Variants in ZMAT4 observed in about 807,000 individuals in gnomAD.
The protein encoded by ZMAT4 is zinc finger matrin-type 4.
A neutral mutation model predicts 28.7 loss-of-function variants in ZMAT4; 17 were observed. The ratio of observed to expected loss-of-function variants is 0.59; its 90% CI spans 0.41 to 0.89. The LOEUF is 0.89. Ranked by LOEUF, ZMAT4 falls within the 40% of genes least tolerant of loss-of-function variation. The pLI, the probability that ZMAT4 is intolerant of heterozygous loss-of-function variation, is 0.00. For missense variants in ZMAT4, 240 were observed against 283.8 expected (o/e 0.85, Z 1.11); for synonymous variants, 117 against 109.2 (o/e 1.07, Z -0.44).
At chr8:40,818,650 C>T (rs1326867160) in intron 2 of ZMAT4, among the ~76,000 whole-genome samples, 4 of 152,204 alleles carry the variant, frequency 2.6e-5, no homozygotes, top group African/African-American at 9.7e-5. Flanking sequence ...CCAGTTAGCA[C>T]TTGCATCTCC....
chr8:40,748,005 T>A (rs187581705), intron 3 of ZMAT4, among the ~76,000 whole-genome samples: 1 of 152,346 alleles, frequency 6.6e-6, no homozygotes, highest in East Asian at 1.9e-4. Context: ...TCAGTGCTTA[T>A]AGACAAAGCT....
At chr8:40,638,134 G>A (rs538217074) in intron 5 of ZMAT4, among the ~76,000 whole-genome samples, 1 of 152,254 alleles carries the variant, frequency 6.6e-6, no homozygotes, top group East Asian at 1.9e-4. Context: ...AGAGGTTCTC[G>A]TGATCTATTG....
chr8:40,862,225 G>C (rs1817519932), intron 1 of ZMAT4, among the ~76,000 whole-genome samples: 1 of 152,014 alleles, frequency 6.6e-6, no homozygotes, highest in African/African-American at 2.4e-5. Flanking sequence ...ATACACCATG[G>C]AATACTATGC....
intron 1 of ZMAT4, among the ~76,000 whole-genome samples, chr8:40,891,594 A>G (rs1304637688): frequency 2.6e-5 from 4 of 151,950 alleles, no homozygotes; most frequent in African/African-American, 4.8e-5. Context: ...TGTCTCAGCC[A>G]ATCCCTGGAA....
intron 3 of ZMAT4, among the ~76,000 whole-genome samples, chr8:40,736,437 A>G (rs1371286649): frequency 6.6e-6 from 1 of 152,236 alleles, no homozygotes; most frequent in Non-Finnish European, 1.5e-5. Context: ...TCTAGCTCAC[A>G]GTCTCAAGTG....
chr8:40,590,062 C>G (rs1351675092), intron 5 of ZMAT4, among the ~76,000 whole-genome samples: 1 of 144,926 alleles, frequency 6.9e-6, no homozygotes, highest in Non-Finnish European at 1.5e-5. Context: ...GCTCTGCACC[C>G]AGGATAGAAT....
intron 5 of ZMAT4, among the ~76,000 whole-genome samples, chr8:40,606,467 G>A (rs1805582771): frequency 6.6e-6 from 1 of 152,116 alleles, no homozygotes; most frequent in African/African-American, 2.4e-5. Flanking sequence ...AAAATTCTTG[G>A]CTGATAATTA....
chr8:40,736,851 C>T (rs952459409), intron 3 of ZMAT4, among the ~76,000 whole-genome samples: 1 of 152,064 alleles, frequency 6.6e-6, no homozygotes, highest in Non-Finnish European at 1.5e-5. Context: ...ACAACAGAGA[C>T]GAGGTACTCA....
intron 1 of ZMAT4, among the ~76,000 whole-genome samples, chr8:40,879,918 C>T (rs1049225634): frequency 1.9e-4 from 28 of 148,686 alleles, no homozygotes; most frequent in Admixed American, 4.1e-4. Flanking sequence ...ATGGACGTAC[C>T]GAACTAGTTT....
intron 2 of ZMAT4, among the ~76,000 whole-genome samples, chr8:40,776,397 G>A (rs1332562207): frequency 6.6e-6 from 1 of 152,180 alleles, no homozygotes; most frequent in South Asian, 2.1e-4. Flanking sequence ...AATTATCTAC[G>A]TGGCTGTCTG....
chr8:40,793,439 G>A (rs1002651188), intron 2 of ZMAT4, among the ~76,000 whole-genome samples: 21 of 148,584 alleles, frequency 1.4e-4, no homozygotes, highest in Non-Finnish European at 1.8e-4. Flanking sequence ...CCAGAGCCAC[G>A]CTCCATCGAT....
chr8:40,769,871 A>G (rs1187704144), intron 2 of ZMAT4, among the ~76,000 whole-genome samples: 1 of 152,090 alleles, frequency 6.6e-6, no homozygotes, highest in Non-Finnish European at 1.5e-5. Context: ...GAGTTATTTA[A>G]TTACAGCTAG....
At chr8:40,628,280 C>T (rs567693174) in intron 5 of ZMAT4, among the ~76,000 whole-genome samples, 3 of 152,172 alleles carry the variant, frequency 2.0e-5, no homozygotes, top group African/African-American at 4.8e-5. Context: ...GACAGGAAAG[C>T]GTTAAGACGG....
chr8:40,758,023 G>A lies in ZMAT4; in HGVS notation c.192+9618C>T, dbSNP rs1812766964. Among the ~76,000 whole-genome samples the A allele has an allele frequency of 2.0e-5, 3 of 152,140 alleles. No individual in the cohort carries two copies. In the South Asian group the frequency reaches 6.2e-4, roughly 32 times the overall value. ...CAAGTTCTTCAGCTTTGGGACTCCTGGACCTTCGACCACAGACTGAAGGCT... is the reference window on the plus strand; with the variant it reads ...CAAGTTCTTCAGCTTTGGGACTCCTAGACCTTCGACCACAGACTGAAGGCT... On this transcript the variant is annotated intron_variant, in intron 3 of 6. Transcript: ENST00000297737.
intron 3 of ZMAT4, among the ~76,000 whole-genome samples, chr8:40,713,474 A>G (rs140339607): frequency 2.1e-4 from 32 of 152,340 alleles, no homozygotes; most frequent in Admixed American, 3.9e-4. Context: ...GGTATTTAAA[A>G]GCAAATGGCA....
chr8:40,809,209 A>T (rs1815217521), intron 2 of ZMAT4, among the ~76,000 whole-genome samples: 2 of 152,188 alleles, frequency 1.3e-5, no homozygotes, highest in African/African-American at 2.4e-5. Context: ...GGAACAGAAA[A>T]CCAAATACTT....
Position 40,820,893 on chromosome 8 carries a change from A to ATGTG in ZMAT4, c.102+4678_102+4681dup, listed in dbSNP as rs1487950603. 1.2e-4 allele frequency among the ~76,000 whole-genome samples: 5 copies of ATGTG among 40,778 alleles called. No homozygotes were observed. The East Asian group carries it at 4.5e-3, about 37-fold the overall frequency. 26.8% of individuals were successfully genotyped at this position (40,778 alleles called of 152,430 possible). A position where few individuals can be genotyped will look rare whatever the true frequency, so the allele number is the denominator to read the frequency against. ...TTTATGTGTGCATGTGTATGTGTTTATGTGTGTGTTTGTGTGTATGTGTGT... is the reference window on the plus strand; with the variant it reads ...TTTATGTGTGCATGTGTATGTGTTTATGTGTGTGTGTGTTTGTGTGTATGTGTGT... On this transcript the variant is annotated intron_variant, in intron 2 of 6. Coordinates refer to ENST00000297737, the MANE Select transcript of ZMAT4 (RefSeq NM_024645.3).
At chr8:40,756,074 G>T (rs1352092477) in intron 3 of ZMAT4, among the ~76,000 whole-genome samples, 1 of 152,004 alleles carries the variant, frequency 6.6e-6, no homozygotes, top group Non-Finnish European at 1.5e-5. Flanking sequence ...TCCTCTCCTT[G>T]GGACCTTAAA....
At chr8:40,648,948 C>G (rs10104491) in intron 5 of ZMAT4, among the ~76,000 whole-genome samples, 2 of 140,608 alleles carry the variant, frequency 1.4e-5, no homozygotes, top group South Asian at 2.6e-4. Flanking sequence ...AAGGAACAAC[C>G]GGTACCAGCT....
Sources: allele counts gnomAD v4.1 joint callset (sites outside exome capture counted in the v4.1 genomes callset), GRCh38; gene constraint gnomAD v4.1.1; transcripts MANE v1.5; gene names NCBI Gene and HGNC (gene_info 2026-07-23, HGNC 2026-07-21).